SLC28A3: variants seen among roughly 807,000 people sequenced by gnomAD.
SLC28A3 encodes the protein solute carrier family 28 member 3.
A neutral mutation model predicts 84.2 loss-of-function variants in SLC28A3; 68 were observed. The observed-to-expected ratio is 0.81, with a 90% CI of 0.66 to 0.99. SLC28A3 has a LOEUF of 0.99. SLC28A3 is among the 50% of genes least tolerant of loss of function. SLC28A3 has a pLI of 0.00. For missense variants in SLC28A3, 712 were observed against 841.5 expected, an observed-to-expected ratio of 0.85 and a Z score of 1.90; for synonymous variants, 267 against 303.6, an observed-to-expected ratio of 0.88 and a Z score of 1.25.
rs55749049 is a variant in SLC28A3, at chr9:84,330,976, T to C, written c.60+9598A>G. Among the ~76,000 whole-genome samples, 947 of 152,298 alleles carry C rather than the reference T, an allele frequency of 6.2e-3. 18 individuals carry two copies. Among genetic ancestry groups the C allele is most frequent in the African/African-American group, 0.022 (914 of 41,558 alleles). On this transcript the variant is annotated intron_variant, in intron 1 of 17. Coordinates refer to ENST00000376238, the MANE Select transcript of SLC28A3 (RefSeq NM_001199633.2). ...ACATTATTAATTATTTTCTATTTTC[T>C]TTCCAGTGCCTCAACACTGATGAGT... is the stretch of plus-strand genomic sequence containing the variant.
At chr9:84,300,243 A>T (rs985978075) in intron 5 of SLC28A3, among the ~76,000 whole-genome samples, 12 of 152,240 alleles carry the variant, frequency 7.9e-5, no homozygotes, top group African/African-American at 2.2e-4. Flanking sequence ...CTTACTCTAC[A>T]ACTCTTGGGC....
the SLC28A3 span, among the ~76,000 whole-genome samples, chr9:84,347,227 A>AG: frequency 0.023 from 2,966 of 131,688 alleles, 85 homozygotes; most frequent in East Asian, 0.072. Context: ...AAAAAAAAAA[A>AG]AAGGGAAGAA....
In SLC28A3 at chr9:84,285,460, A is replaced by G. The variant is rs760787099; in HGVS notation, c.1532T>C (p.Ile511Thr). The change falls in exon 14 of 18, where the codon ATA becomes ACA. Residue 511 changes from isoleucine (I) to threonine (T), a missense_variant. Coordinates refer to ENST00000376238, the MANE Select transcript of SLC28A3 (RefSeq NM_001199633.2). ...TTCATTGAAGAAGGTCTTATAACCT[A>G]TGAGTCTGGCAACCATAAAGCTGTC... Reference protein sequence around the residue: ...WQDSFMVARLIGYKTFFNEFV... With the variant: ...WQDSFMVARLTGYKTFFNEFV... 6.2e-6 allele frequency: 10 copies of G among 1,614,214 alleles called. No homozygotes were observed. The highest frequency in any genetic ancestry group is 8.5e-6 in the Non-Finnish European group (10 of 1,180,024).
At chr9:84,367,593 G>A in the SLC28A3 span, among the ~76,000 whole-genome samples, 4 of 152,162 alleles carry the variant, frequency 2.6e-5, no homozygotes, top group African/African-American at 7.2e-5. Flanking sequence ...GACCTGCACC[G>A]GCGCTGGTCT....
chr9:84,285,522 G>A lies in SLC28A3; in HGVS notation c.1470C>T (p.Phe490=). 2 of 1,614,202 alleles carry A rather than the reference G, an allele frequency of 1.2e-6. No individual in the cohort carries two copies. Among genetic ancestry groups the A allele is most frequent in the East Asian group, 2.2e-5 (1 of 44,890 alleles). The change falls in exon 14 of 18, where the codon TTC becomes TTT. Residue 490 remains phenylalanine (F), a synonymous_variant. Transcript: ENST00000376238. The part of the protein sequence containing the change: ...LSFELICSYI[F]MPFSFMMGVE... Reference sequence around the variant, plus strand: ...CTCCCATCATGAAGGAAAAGGGCATGAAGATGTAGGAGCAGATTAGCTACA... The same window carrying A: ...CTCCCATCATGAAGGAAAAGGGCATAAAGATGTAGGAGCAGATTAGCTACA...
the SLC28A3 span, among the ~76,000 whole-genome samples, chr9:84,357,621 A>G: frequency 6.8e-3 from 1,032 of 152,152 alleles, 11 homozygotes; most frequent in African/African-American, 0.024. Context: ...GCTTAGCACC[A>G]TCTCAGCAAG....
chr9:84,345,729 C>A (rs1827239513), upstream of SLC28A3, among the ~76,000 whole-genome samples: 2 of 152,164 alleles, frequency 1.3e-5, no homozygotes, highest in South Asian at 2.1e-4. Flanking sequence ...GTATATACAA[C>A]CATGATACTA....
At chr9:84,308,267 C>T (rs964666082) in intron 3 of SLC28A3, among the ~76,000 whole-genome samples, 2 of 151,966 alleles carry the variant, frequency 1.3e-5, no homozygotes, top group African/African-American at 2.4e-5. Context: ...TATTTCTGGC[C>T]GGGCGTGGTG....
intron 1 of SLC28A3, among the ~76,000 whole-genome samples, chr9:84,313,822 T>TC (rs1457601290): frequency 6.9e-6 from 1 of 145,262 alleles, no homozygotes; most frequent in African/African-American, 2.6e-5. Context: ...CAGAGGCAGA[T>TC]CATGCCACTG....
the SLC28A3 span, among the ~76,000 whole-genome samples, chr9:84,359,134 T>A: frequency 6.6e-6 from 1 of 152,226 alleles, no homozygotes; most frequent in Admixed American, 6.5e-5. Context: ...CTTCTTGCTC[T>A]GTTTTGATCT....
chr9:84,279,107 G>C (rs1824633571), intron 17 of SLC28A3, among the ~76,000 whole-genome samples, 158 bp downstream of exon 17: 1 of 150,060 alleles, frequency 6.7e-6, no homozygotes, highest in South Asian at 2.1e-4. Context: ...ATAAAATTAA[G>C]TCGATGAGTG....
At chr9:84,283,476 CATT>C (rs1157017162) in intron 14 of SLC28A3, among the ~76,000 whole-genome samples, 1 of 152,198 alleles carries the variant, frequency 6.6e-6, no homozygotes, top group African/African-American at 2.4e-5. Flanking sequence ...ACCTGAGACA[CATT>C]ATTAAGTGCA....
chr9:84,358,202 A>C, the SLC28A3 span, among the ~76,000 whole-genome samples: 1 of 152,176 alleles, frequency 6.6e-6, no homozygotes, highest in East Asian at 1.9e-4. Flanking sequence ...CCAGCAAACG[A>C]GGCATGGGGT....
intron 1 of SLC28A3, among the ~76,000 whole-genome samples, chr9:84,339,005 T>A (rs923686008): frequency 1.3e-5 from 2 of 152,202 alleles, no homozygotes; most frequent in African/African-American, 4.8e-5. Flanking sequence ...GCAACCCTTA[T>A]CACCAAAGAC....
At chr9:84,355,375 T>C in the SLC28A3 span, among the ~76,000 whole-genome samples, 6 of 151,912 alleles carry the variant, frequency 3.9e-5, no homozygotes, top group African/African-American at 4.8e-5. Flanking sequence ...GAGTTCAAGA[T>C]TACAATGAGC....
At chr9:84,307,936 C>A (rs79941684) in intron 3 of SLC28A3, among the ~76,000 whole-genome samples, 5,596 of 152,206 alleles carry the variant, frequency 0.037, 317 homozygotes, top group African/African-American at 0.12. Context: ...TACCTCTGAC[C>A]ACCCAAGAGA....
chr9:84,319,580 C>A (rs1588610651), intron 1 of SLC28A3, among the ~76,000 whole-genome samples: 1 of 152,046 alleles, frequency 6.6e-6, no homozygotes, highest in East Asian at 1.9e-4. Flanking sequence ...ATACCATTAC[C>A]CTTGCGGCTG....
intron 4 of SLC28A3, among the ~76,000 whole-genome samples, chr9:84,303,029 T>C (rs991289571): frequency 1.3e-5 from 2 of 152,184 alleles, no homozygotes; most frequent in Non-Finnish European, 1.5e-5. Context: ...AGAACGTTTA[T>C]ATTTGTGTGT....
chr9:84,320,335 G>A (rs1411041868), intron 1 of SLC28A3, among the ~76,000 whole-genome samples: 3 of 151,868 alleles, frequency 2.0e-5, no homozygotes, highest in Non-Finnish European at 2.9e-5. Context: ...GATTACAAGC[G>A]TGAGCCACTG....
Sources: allele counts gnomAD v4.1 joint callset (sites outside exome capture counted in the v4.1 genomes callset), GRCh38; gene constraint gnomAD v4.1.1; transcripts MANE v1.5; gene names NCBI Gene and HGNC (gene_info 2026-07-23, HGNC 2026-07-21).